RANBP1: variants seen among roughly 807,000 people sequenced by gnomAD.
RANBP1 encodes the protein ran-specific GTPase-activating protein.
In RANBP1, 16 loss-of-function variants were observed where a neutral mutation model predicts 31.4. That is an observed-to-expected ratio of 0.51 (90% CI 0.34 to 0.77). The LOEUF is 0.77. Among genes scored for constraint, RANBP1 ranks in the 30% least tolerant of loss-of-function variants. RANBP1 has a pLI of 0.01. For synonymous variants in RANBP1, 129 were observed against 140.5 expected, an observed-to-expected ratio of 0.92 and a Z score of 0.58; for missense variants, 265 against 362.0, an observed-to-expected ratio of 0.73 and a Z score of 2.17.
intron 1 of RANBP1, chr22:20,117,076 C>A: frequency 1.1e-6 from 1 of 882,640 alleles, no homozygotes; most frequent in Non-Finnish European, 1.7e-6. Context: ...GGCTTCGCCC[C>A]AGGCGGGGCG....
At chr22:20,118,937 A>G (rs1038235236) in intron 1 of RANBP1, 76 bp from the exon 2 acceptor site, 1 of 1,485,256 alleles carries the variant, frequency 6.7e-7, no homozygotes, top group Non-Finnish European at 9.2e-7. Context: ...AGGGCTGACC[A>G]CTGCAGGCAC....
Position 20,116,329 on chromosome 22 carries a change from G to C in RANBP1, c.145G>C (p.Val49Leu). 3 of 1,612,976 alleles carry C rather than the reference G, an allele frequency of 1.9e-6. No individual in the cohort carries two copies. The highest frequency in any genetic ancestry group is 2.5e-6 in the Non-Finnish European group (3 of 1,180,022). ...GCAGGGTGGTTGCCCAAAGAGTTTGGTTTTGTGGGGCTGCAGACCAAAGCG... is the reference window on the plus strand; with the variant it reads ...GCAGGGTGGTTGCCCAAAGAGTTTGCTTTTGTGGGGCTGCAGACCAAAGCG... ...KAQGGCPKSL[V>L]LWGCRPKRPR... The change falls in exon 1 of 6, where the codon GTT (valine) becomes CTT (leucine). Residue 49 changes from valine (V) to leucine (L), a missense_variant. Transcript: ENST00000430524.
intron 1 of RANBP1, chr22:20,117,509 G>C: frequency 7.7e-7 from 1 of 1,305,562 alleles, no homozygotes; most frequent in South Asian, 1.6e-5. Flanking sequence ...GTCGAGGTTC[G>C]GGTCGTGGGG....
chr22:20,117,371 G>C, intron 1 of RANBP1: 1 of 1,211,298 alleles, frequency 8.3e-7, no homozygotes, highest in Non-Finnish European at 1.0e-6. Context: ...CGGGCGGGCC[G>C]GGCATGCGCC....
chr22:20,120,646 C>G (rs370967338), intron 2 of RANBP1, among the ~76,000 whole-genome samples: 2 of 152,154 alleles, frequency 1.3e-5, no homozygotes, highest in African/African-American at 4.8e-5. Context: ...TGCCCTGGTC[C>G]CCAGCGGGAG....
At chr22:20,125,645 C>A in intron 4 of RANBP1, 1 of 1,450,516 alleles carries the variant, frequency 6.9e-7, no homozygotes, top group Non-Finnish European at 9.1e-7. Context: ...CAAAGCTGTG[C>A]CAAGTAGCTG....
intron 1 of RANBP1, 174 bp downstream of exon 1, chr22:20,116,604 C>A: frequency 6.5e-7 from 1 of 1,539,242 alleles, no homozygotes; most frequent in Non-Finnish European, 8.7e-7. Flanking sequence ...TCTCCATGGG[C>A]TTCGGGCCCT....
At chr22:20,119,194 G>C (rs201880499) in intron 2 of RANBP1, 45 bp downstream of exon 2, 1 of 1,582,928 alleles carries the variant, frequency 6.3e-7, no homozygotes, top group East Asian at 2.2e-5. Flanking sequence ...TAAGGTTGAG[G>C]TTACAACTTT....
At chr22:20,116,463 C>T (rs1334027700) in intron 1 of RANBP1, 33 bp downstream of exon 1, 4 of 1,612,908 alleles carry the variant, frequency 2.5e-6, no homozygotes, top group South Asian at 1.1e-5. Flanking sequence ...AGCTGTAGAG[C>T]CCGGGCTGAG....
chr22:20,126,174 C>A (rs937373466), intron 4 of RANBP1, 129 bp from the exon 5 acceptor site: 39 of 1,105,238 alleles, frequency 3.5e-5, no homozygotes, highest in Non-Finnish European at 4.9e-5. Flanking sequence ...GTCAGGTGGA[C>A]CAGTCCTTTC....
rs1261216727 is a variant in RANBP1 at position 20,126,460 on chromosome 22, T to TA, written c.736+95dup. On this transcript the variant is annotated intron_variant, in intron 5 of 5. Coordinates refer to ENST00000430524, the MANE Select transcript of RANBP1 (RefSeq NM_001278639.2). ...GCGGGTGCTTTTTCTGTCTGCCAGA[T>TA]AAACATTCCAGGGTGCTGTGGCCGC... is the stretch of plus-strand genomic sequence containing the variant. 3.1e-6 allele frequency: 5 copies of TA among 1,607,564 alleles called. No homozygotes were observed. In the African/African-American group the frequency reaches 5.3e-5, roughly 17 times the overall value.
rs368742279 is a variant in RANBP1 at position 20,118,169 on chromosome 22, C to T, written c.247-844C>T. 54 of 1,001,836 alleles carry T rather than the reference C, an allele frequency of 5.4e-5. 1 individual carries two copies. The African/African-American group carries it at 9.2e-4, about 17-fold the overall frequency. The allele number at this position is 1,001,836 out of a possible 1,614,324, so 62.1% of individuals were successfully genotyped here. ...CCGACCCAGGCGGCGGCTTTGTTGG[C>T]TGCGGTGTCTGGTTGAGTGCGGGCC... On this transcript the variant is annotated intron_variant, in intron 1 of 5. Transcript: ENST00000430524.
rs747883517 is a variant in RANBP1 at position 20,119,003 on chromosome 22, A to G, written c.247-10A>G. 29 of 1,610,578 alleles carry G rather than the reference A, an allele frequency of 1.8e-5. No individual in the cohort carries two copies. Among genetic ancestry groups the G allele is most frequent in the East Asian group, 6.7e-5 (3 of 44,868 alleles). Reference sequence around the variant, plus strand: ...TAGGCCAGCAGTGTAACCTCTTTGTATCTCCACAGGACACTCATGAGGACC... The same window carrying G: ...TAGGCCAGCAGTGTAACCTCTTTGTGTCTCCACAGGACACTCATGAGGACC... On this transcript the variant is annotated splice_polypyrimidine_tract_variant and intron_variant, in intron 1 of 5. Transcript: ENST00000430524.
At chr22:20,116,608 G>A (rs770834451) in intron 1 of RANBP1, 178 bp downstream of exon 1, 3 of 1,536,980 alleles carry the variant, frequency 2.0e-6, no homozygotes, top group Admixed American at 2.1e-5. Context: ...CATGGGCTTC[G>A]GGCCCTGTGT....
At chr22:20,126,251 GTC>G in intron 4 of RANBP1, 50 bp from the exon 5 acceptor site, 1 of 1,580,498 alleles carries the variant, frequency 6.3e-7, no homozygotes, top group Non-Finnish European at 8.6e-7. Context: ...GGCAGGGCAT[GTC>G]TCTTCCACTG....
chr22:20,126,936 C>A lies in RANBP1; in HGVS notation c.737-16C>A. The A allele has an allele frequency of 1.2e-6, 2 of 1,610,794 alleles. No homozygotes were observed. The highest frequency in any genetic ancestry group is 2.2e-5 in the East Asian group (1 of 44,818). ...ACCGTGCTTCTGTTTTCTCACTGTG[C>A]TGCTTGTGTTTTTAGCAGGATCAGG... On this transcript the variant is annotated splice_polypyrimidine_tract_variant and intron_variant, in intron 5 of 5. Coordinates refer to ENST00000430524, the MANE Select transcript of RANBP1 (RefSeq NM_001278639.2).
chr22:20,126,452 C>T (rs2050300884), intron 5 of RANBP1, 84 bp downstream of exon 5: 1 of 1,608,986 alleles, frequency 6.2e-7, no homozygotes, highest in Non-Finnish European at 8.5e-7. Flanking sequence ...CTTTTTCTGT[C>T]TGCCAGATAA....
At chr22:20,117,626 AGCCGCCGCC>A (rs750187557) in intron 1 of RANBP1, 2 of 1,117,710 alleles carry the variant, frequency 1.8e-6, no homozygotes, top group Admixed American at 5.6e-5. Flanking sequence ...GACCCAGCCG[AGCCGCCGCC>A]GCCGCCGCGC....
intron 1 of RANBP1, chr22:20,117,329 G>T: frequency 1.8e-6 from 2 of 1,115,426 alleles, no homozygotes; most frequent in Non-Finnish European, 2.3e-6. Flanking sequence ...GTGCGCGCGG[G>T]TGTCGCCGGG....
Sources: gnomAD v4.1 joint callset for allele counts (sites outside exome capture counted in the v4.1 genomes callset) on GRCh38, gnomAD v4.1.1 for gene constraint, MANE v1.5 for transcripts, NCBI Gene and HGNC (gene_info 2026-07-23, HGNC 2026-07-21) for gene names.